TMEM217B: variants seen among roughly 807,000 people sequenced by gnomAD.
TMEM217B encodes the protein putative transmembrane protein 217B.
chr6:37,225,026 ACACCAC>A, the TMEM217B span, among the ~76,000 whole-genome samples: 4 of 150,980 alleles, frequency 2.6e-5, no homozygotes, highest in Non-Finnish European at 5.9e-5. Flanking sequence ...AAAAAAAAAA[ACACCAC>A]CACCAAAACC....
the TMEM217B span, among the ~76,000 whole-genome samples, chr6:37,247,478 C>T: frequency 6.6e-6 from 1 of 151,644 alleles, no homozygotes; most frequent in African/African-American, 2.4e-5. Flanking sequence ...ACCTCTGCCT[C>T]CCGGGTTAAA....
the TMEM217B span, among the ~76,000 whole-genome samples, chr6:37,252,637 ATTTTT>A: frequency 0.019 from 1,323 of 71,216 alleles, 27 homozygotes; most frequent in African/African-American, 0.062. Flanking sequence ...ATATATATAT[ATTTTT>A]TTTTTTTTTT....
At chr6:37,247,247 G>T in the TMEM217B span, among the ~76,000 whole-genome samples, 2 of 152,154 alleles carry the variant, frequency 1.3e-5, no homozygotes, top group Non-Finnish European at 2.9e-5. Context: ...GTTAATTTTA[G>T]TTTGGATTCT....
the TMEM217B span, chr6:37,219,039 C>G: frequency 6.2e-7 from 1 of 1,608,856 alleles, no homozygotes; most frequent in African/African-American, 1.3e-5. Context: ...ATGCTGAGAC[C>G]TCCTGTGAAG....
chr6:37,212,446 C>A, the TMEM217B span: 1 of 435,018 alleles, frequency 2.3e-6, no homozygotes, highest in Non-Finnish European at 4.6e-6. Context: ...CATTCCCAGA[C>A]GGACAGGTAG....
the TMEM217B span, among the ~76,000 whole-genome samples, chr6:37,253,385 T>G: frequency 2.0e-4 from 30 of 152,372 alleles, no homozygotes; most frequent in African/African-American, 6.5e-4. Context: ...TTCTTAGGAA[T>G]GAAATACCTA....
chr6:37,218,043 A>C, the TMEM217B span: 1 of 999,222 alleles, frequency 1.0e-6, no homozygotes, highest in Non-Finnish European at 1.2e-6. Context: ...CTCTACTTGC[A>C]GAACTGCTAA....
chr6:37,241,278 A>G, the TMEM217B span, among the ~76,000 whole-genome samples: 9 of 151,236 alleles, frequency 6.0e-5, no homozygotes, highest in East Asian at 1.4e-3. Flanking sequence ...GGGTCTCACT[A>G]TGTTGCCCAG....
chr6:37,243,360 G>A, the TMEM217B span, among the ~76,000 whole-genome samples: 2 of 152,084 alleles, frequency 1.3e-5, no homozygotes, highest in Non-Finnish European at 2.9e-5. Flanking sequence ...ATTGAAAGGG[G>A]GAAAAAAATG....
chr6:37,252,640 T>A, the TMEM217B span, among the ~76,000 whole-genome samples: 66 of 48,586 alleles, frequency 1.4e-3, no homozygotes, highest in South Asian at 2.9e-3. Context: ...TATATATATT[T>A]TTTTTTTTTT....
the TMEM217B span, among the ~76,000 whole-genome samples, chr6:37,249,862 T>G: frequency 3.3e-5 from 5 of 152,212 alleles, no homozygotes; most frequent in Non-Finnish European, 7.3e-5. Context: ...AAAGTTGAAC[T>G]TATGCATACA....
At chr6:37,254,002 G>A in the TMEM217B span, among the ~76,000 whole-genome samples, 570 of 152,240 alleles carry the variant, frequency 3.7e-3, 4 homozygotes, top group African/African-American at 0.013. Context: ...AGTTGAGGGG[G>A]GGAAAGTAAA....
the TMEM217B span, among the ~76,000 whole-genome samples, chr6:37,231,535 T>C: frequency 6.6e-6 from 1 of 150,456 alleles, no homozygotes; most frequent in Middle Eastern, 3.2e-3. Context: ...TAGCCAGTCA[T>C]GGTGGCGTGC....
At chr6:37,213,833 C>T in the TMEM217B span, among the ~76,000 whole-genome samples, 1 of 152,252 alleles carries the variant, frequency 6.6e-6, no homozygotes, top group African/African-American at 2.4e-5. Flanking sequence ...ATTCAGAGGA[C>T]TCCTGAGCAA....
chr6:37,238,390 C>T, the TMEM217B span, among the ~76,000 whole-genome samples: 1 of 152,170 alleles, frequency 6.6e-6, no homozygotes, highest in Non-Finnish European at 1.5e-5. Context: ...TGTGTTGTAG[C>T]AGACACCGTT....
the TMEM217B span, among the ~76,000 whole-genome samples, chr6:37,247,151 A>G: frequency 6.6e-6 from 1 of 152,194 alleles, no homozygotes; most frequent in African/African-American, 2.4e-5. Flanking sequence ...TTAGAAGTCT[A>G]CTATGATAGA....
the TMEM217B span, among the ~76,000 whole-genome samples, chr6:37,252,633 ATATATTTTTT>A: frequency 0.014 from 1,061 of 75,056 alleles, 7 homozygotes; most frequent in African/African-American, 0.049. Context: ...ATATATATAT[ATATATTTTTT>A]TTTTTTTTTT....
At chr6:37,233,665 T>C in the TMEM217B span, among the ~76,000 whole-genome samples, 462 of 152,334 alleles carry the variant, frequency 3.0e-3, 4 homozygotes, top group African/African-American at 1.0e-2. Flanking sequence ...ATATACATTC[T>C]AACCGTAGTA....
the TMEM217B span, among the ~76,000 whole-genome samples, chr6:37,234,771 A>T: frequency 6.6e-6 from 1 of 152,116 alleles, no homozygotes; most frequent in Non-Finnish European, 1.5e-5. Flanking sequence ...CGGTATACAC[A>T]TGTAATTTTG....
Sources: gnomAD v4.1 joint callset for allele counts (sites outside exome capture counted in the v4.1 genomes callset) on GRCh38, gnomAD v4.1.1 for gene constraint, MANE v1.5 for transcripts, NCBI Gene and HGNC (gene_info 2026-07-23, HGNC 2026-07-21) for gene names.